Variants in SF3B3 observed in about 807,000 individuals in gnomAD.
The protein encoded by SF3B3 is SAP 130.
Under a neutral mutation model 139.2 loss-of-function variants are expected in SF3B3, and 33 were observed. That is an observed-to-expected ratio of 0.24 (90% CI 0.18 to 0.32). The LOEUF (loss-of-function observed/expected upper bound fraction) is 0.32. Among genes scored for constraint, SF3B3 ranks in the 10% least tolerant of loss-of-function variants. SF3B3 has a pLI of 1.00. For missense variants in SF3B3, 818 were observed against 1,509.4 expected, an observed-to-expected ratio of 0.54 and a Z score of 7.59; for synonymous variants, 596 against 563.6, an observed-to-expected ratio of 1.06 and a Z score of -0.81.
intron 2 of SF3B3, among the ~76,000 whole-genome samples, chr16:70,527,949 A>T (rs1268897178): frequency 6.6e-6 from 1 of 150,418 alleles, no homozygotes; most frequent in African/African-American, 2.4e-5. Context: ...CTAATTTTTC[A>T]TATTTTTAGT....
At position 70,523,856 on chromosome 16, in the gene SF3B3, G is replaced by C. The variant is rs2151770154; in HGVS notation, c.-143G>C. 2 of 511,764 alleles carry C rather than the reference G, an allele frequency of 3.9e-6. No homozygotes were observed. Among genetic ancestry groups the C allele is most frequent in the Admixed American group, 7.5e-5 (2 of 26,600 alleles). The allele number at this position is 511,764 out of a possible 1,614,324, so 31.7% of individuals were successfully genotyped here. On this transcript the variant is annotated 5_prime_UTR_variant, in exon 1 of 26. Coordinates refer to ENST00000302516, the MANE Select transcript of SF3B3 (RefSeq NM_012426.5). ...TCTAATGGCGGACGCCAGTATGTTG[G>C]AGTTGGTGGTGGCTTAAGTTTTGAA...
chr16:70,525,556 G>A (rs2050053894), intron 1 of SF3B3, among the ~76,000 whole-genome samples: 1 of 152,188 alleles, frequency 6.6e-6, no homozygotes, highest in Non-Finnish European at 1.5e-5. Context: ...CAGGGATTCA[G>A]AAGCAGCTCC....
intron 9 of SF3B3, among the ~76,000 whole-genome samples, chr16:70,543,839 T>G (rs1308025954): frequency 7.1e-6 from 1 of 140,302 alleles, no homozygotes. Flanking sequence ...TGTTTTACTG[T>G]TTTTTTGTGT....
intron 2 of SF3B3, 143 bp from the exon 3 acceptor site, chr16:70,528,730 G>C (rs1030606092): frequency 1.6e-6 from 1 of 616,554 alleles, no homozygotes; most frequent in Admixed American, 3.0e-5. Context: ...CGATTCTCCT[G>C]CCTTAGCCTC....
intron 9 of SF3B3, among the ~76,000 whole-genome samples, 200 bp from the exon 10 acceptor site, chr16:70,544,238 T>C (rs1406761732): frequency 6.6e-6 from 1 of 152,194 alleles, no homozygotes; most frequent in Non-Finnish European, 1.5e-5. Context: ...ACTCCATTGC[T>C]CTGCAGAGAG....
intron 17 of SF3B3, among the ~76,000 whole-genome samples, chr16:70,562,104 ATTGATAACCTTTCTTACT>A (rs2050434501): frequency 2.0e-5 from 3 of 152,214 alleles, no homozygotes; most frequent in African/African-American, 7.2e-5. Flanking sequence ...GGATCACTGC[ATTGATAACCTTTCTTACT>A]CTGTCTTGTC....
chr16:70,527,226 C>G (rs190678573), intron 2 of SF3B3, among the ~76,000 whole-genome samples: 2 of 152,104 alleles, frequency 1.3e-5, no homozygotes, highest in African/African-American at 4.8e-5. Context: ...AATTTGCTTA[C>G]GTTTACCATG....
At chr16:70,527,668 A>C (rs908782707) in intron 2 of SF3B3, among the ~76,000 whole-genome samples, 2 of 152,242 alleles carry the variant, frequency 1.3e-5, no homozygotes, top group Non-Finnish European at 2.9e-5. Flanking sequence ...TTTGTGACTG[A>C]CTTCACTATG....
chr16:70,563,241 A>C lies in SF3B3; in HGVS notation c.2289-635A>C, dbSNP rs1197125958. ...TGCTTTGGCCTCCCAAAGTGCTGAG[A>C]TTACAGGCGTGAGCCACCACACGCA... On this transcript the variant is annotated intron_variant, in intron 17 of 25. Transcript: ENST00000302516. Among the ~76,000 whole-genome samples, 5 of 152,212 alleles carry C rather than the reference A, an allele frequency of 3.3e-5. No homozygotes were observed. The East Asian group carries it at 9.6e-4, about 29-fold the overall frequency.
chr16:70,569,852 C>A, intron 23 of SF3B3, 154 bp from the exon 24 acceptor site: 1 of 790,786 alleles, frequency 1.3e-6, no homozygotes, highest in Non-Finnish European at 2.0e-6. Flanking sequence ...GTCTTGAAAT[C>A]CTGGGCTCAA....
At chr16:70,567,314 A>G in intron 20 of SF3B3, 97 bp from the exon 21 acceptor site, 1 of 1,344,892 alleles carries the variant, frequency 7.4e-7, no homozygotes, top group Non-Finnish European at 1.0e-6. Context: ...TTTCTTAATG[A>G]TAGGCTCCTG....
chr16:70,529,541 T>G (rs2050100873), intron 3 of SF3B3: 6 of 253,420 alleles, frequency 2.4e-5, no homozygotes, highest in Non-Finnish European at 2.3e-5. Flanking sequence ...TTCATGTCTC[T>G]TCTCTGATAA....
chr16:70,541,670 T>TA lies in SF3B3; in HGVS notation c.1070dup (p.Tyr357Ter). 6.2e-7 allele frequency: 1 copy of TA among 1,612,948 alleles called. No homozygotes were observed. Among genetic ancestry groups the TA allele is most frequent in the Non-Finnish European group, 8.5e-7 (1 of 1,179,216 alleles). The change falls in exon 9 of 26, where the codon TAC (tyrosine) becomes TAAC (stop). Residue 357 changes from tyrosine to a stop codon, truncating the protein, a stop_gained and frameshift_variant and splice_region_variant. Coordinates refer to ENST00000302516, the MANE Select transcript of SF3B3 (RefSeq NM_012426.5). LOFTEE classifies it high-confidence loss of function. ...LFVASEFGNH[Y>*]LYQIAHLGDD... ...TTTCTCTCCTCTGCTTCTTCCCAGT[T>TA]ACTTATATCAAATTGCACATCTTGG...
chr16:70,569,364 G>A (rs2050507342), intron 23 of SF3B3, among the ~76,000 whole-genome samples: 1 of 152,108 alleles, frequency 6.6e-6, no homozygotes, highest in Non-Finnish European at 1.5e-5. Flanking sequence ...GTGTGTCCTG[G>A]GCTTTACTTT....
rs1168096723 is a variant in SF3B3 at position 70,576,422 on chromosome 16, C to T, written c.*4609C>T. ...GTCAAGTTTTAAATTCCCAGGTCCA[C>T]TCAGCAGAACTTGCTCCCTTCTCTG... is the stretch of plus-strand genomic sequence containing the variant. On this transcript the variant is annotated 3_prime_UTR_variant, in exon 26 of 26. Transcript: ENST00000302516. 2.0e-5 allele frequency: 3 copies of T among 152,046 alleles called. No individual in the cohort carries two copies. Among genetic ancestry groups the T allele is most frequent in the African/African-American group, 7.3e-5 (3 of 41,370 alleles). 9.4% of individuals were successfully genotyped at this position (152,046 alleles called of 1,614,324 possible).
intron 15 of SF3B3, 106 bp downstream of exon 15, chr16:70,557,135 C>T (rs2050386428): frequency 8.1e-7 from 1 of 1,232,386 alleles, no homozygotes; most frequent in East Asian, 2.5e-5. Context: ...TTCAGATCCT[C>T]ACCTTATGAA....
At chr16:70,526,776 A>T in intron 2 of SF3B3, 50 bp downstream of exon 2, 4 of 1,250,392 alleles carry the variant, frequency 3.2e-6, no homozygotes, top group Non-Finnish European at 4.7e-6. Context: ...ATTAATACAT[A>T]TCTTGCTTAG....
At position 70,574,984 on chromosome 16, in the gene SF3B3, G is replaced by A. The variant is rs1365524492; in HGVS notation, c.*3171G>A. ...ACCTGGTCCAAAAAACGTCACAACG[G>A]AGGAAAGGAATAGATGGCTCTCGAG... On this transcript the variant is annotated 3_prime_UTR_variant, in exon 26 of 26. Transcript: ENST00000302516. 4 of 152,100 alleles carry A rather than the reference G, an allele frequency of 2.6e-5. No individual in the cohort carries two copies. The highest frequency in any genetic ancestry group is 6.6e-5 in the Admixed American group (1 of 15,264). 9.4% of individuals were successfully genotyped at this position (152,100 alleles called of 1,614,324 possible). A position where few individuals can be genotyped will look rare whatever the true frequency, so the allele number is the denominator to read the frequency against.
intron 11 of SF3B3, chr16:70,554,203 C>T (rs1172737065): frequency 2.6e-6 from 1 of 383,206 alleles, no homozygotes; most frequent in African/African-American, 2.1e-5. Flanking sequence ...TTTGTCCTCT[C>T]ACTTCTTTAG....
Sources: allele counts gnomAD v4.1 joint callset (sites outside exome capture counted in the v4.1 genomes callset), GRCh38; gene constraint gnomAD v4.1.1; transcripts MANE v1.5; gene names NCBI Gene and HGNC (gene_info 2026-07-23, HGNC 2026-07-21).